The following TULP4 variants were observed in gnomAD, a reference collection of about 807,000 sequenced individuals.
TULP4 encodes tubby-related protein 4.
A neutral mutation model predicts 129.0 loss-of-function variants in TULP4; 16 were observed. The observed-to-expected ratio is 0.12, with a 90% confidence interval of 0.08 to 0.19. TULP4 has a LOEUF of 0.19. TULP4 is among the 10% of genes least tolerant of loss of function. The pLI, the probability that TULP4 is intolerant of heterozygous loss-of-function variation, is 1.00. For missense variants in TULP4, 1,842 were observed against 2,059.1 expected, an observed-to-expected ratio of 0.89 and a Z score of 2.04; for synonymous variants, 998 against 854.0, an observed-to-expected ratio of 1.17 and a Z score of -2.94.
chr6:158,416,607 AAC>A (rs1443208060), intron 2 of TULP4, among the ~76,000 whole-genome samples: 2 of 152,242 alleles, frequency 1.3e-5, no homozygotes, highest in African/African-American at 2.4e-5. Flanking sequence ...TAAAAAGTAA[AAC>A]AGTTACAATA....
At chr6:158,459,059 A>G (rs1461816667) in intron 5 of TULP4, among the ~76,000 whole-genome samples, 1 of 152,236 alleles carries the variant, frequency 6.6e-6, no homozygotes. Context: ...CATTATTTAC[A>G]TGGAATTTAA....
At chr6:158,338,468 A>G (rs1234137400) in intron 1 of TULP4, among the ~76,000 whole-genome samples, 1 of 152,212 alleles carries the variant, frequency 6.6e-6, no homozygotes, top group Non-Finnish European at 1.5e-5. Context: ...ATTGAAGTGC[A>G]TGTCTCAGTC....
chr6:158,328,991 G>T (rs1779813961), intron 1 of TULP4, among the ~76,000 whole-genome samples: 1 of 152,126 alleles, frequency 6.6e-6, no homozygotes, highest in East Asian at 1.9e-4. Context: ...GTATAGGATG[G>T]GTGGGAAGGG....
rs750532002 is a variant in TULP4 at position 158,503,107 on chromosome 6, A to G, written c.3444A>G (p.Leu1148=). 54 of 1,613,956 alleles carry G rather than the reference A, an allele frequency of 3.3e-5. No individual in the cohort carries two copies. The highest frequency in any genetic ancestry group is 4.2e-5 in the Non-Finnish European group (50 of 1,179,998). Residue 1148 remains leucine, a synonymous_variant, in exon 13 of 14, where the codon TTA becomes TTG. Transcript: ENST00000367097. The surrounding 1 kb of genome is among the most constrained non-coding windows in gnomAD (Gnocchi z 4.3). The part of the protein sequence containing the change: ...RTAQTSGPNP[L]KLSSLMLSQG... Reference sequence around the variant, plus strand: ...CACAGACTTCAGGGCCCAACCCCTTAAAACTGTCCTCTCTGATGCTGAGTC... The same window carrying G: ...CACAGACTTCAGGGCCCAACCCCTTGAAACTGTCCTCTCTGATGCTGAGTC...
intron 1 of TULP4, among the ~76,000 whole-genome samples, chr6:158,232,671 T>A (rs1378675821): frequency 6.6e-6 from 1 of 152,040 alleles, no homozygotes; most frequent in African/African-American, 2.4e-5. Flanking sequence ...CATTTTTTTT[T>A]CTTAATTGTG....
At chr6:158,470,658 T>C (rs1187858502) in intron 6 of TULP4, among the ~76,000 whole-genome samples, 2 of 152,224 alleles carry the variant, frequency 1.3e-5, no homozygotes, top group African/African-American at 2.4e-5. Context: ...AAAGGAAATA[T>C]GTCAAACAAG....
intron 8 of TULP4, among the ~76,000 whole-genome samples, chr6:158,482,110 T>C (rs1440055742): frequency 6.6e-6 from 1 of 152,210 alleles, no homozygotes; most frequent in East Asian, 1.9e-4. Flanking sequence ...TGAGTCATCT[T>C]TGTGCCCTCA....
chr6:158,374,013 C>CT (rs1461438266), intron 1 of TULP4, among the ~76,000 whole-genome samples: 2 of 152,152 alleles, frequency 1.3e-5, no homozygotes, highest in Non-Finnish European at 2.9e-5. Context: ...TTGACATGTC[C>CT]TGCTAGTTGG....
At chr6:158,492,015 C>T (rs542082583) in intron 9 of TULP4, among the ~76,000 whole-genome samples, 3 of 151,800 alleles carry the variant, frequency 2.0e-5, no homozygotes, top group East Asian at 3.9e-4. Context: ...AGCGCCACCA[C>T]GCCCGGCTAA....
At chr6:158,375,197 C>T (rs765133406) in intron 1 of TULP4, among the ~76,000 whole-genome samples, 2 of 152,104 alleles carry the variant, frequency 1.3e-5, no homozygotes, top group Non-Finnish European at 2.9e-5. Flanking sequence ...GAACCGAGAT[C>T]GCACCATGGC....
At chr6:158,326,486 C>T (rs746329570) in intron 1 of TULP4, among the ~76,000 whole-genome samples, 82 of 152,294 alleles carry the variant, frequency 5.4e-4, no homozygotes, top group Middle Eastern at 3.4e-3. Flanking sequence ...ATTTATTCCA[C>T]GTGTCGTTTA....
intron 1 of TULP4, among the ~76,000 whole-genome samples, chr6:158,384,591 A>G (rs1445205603): frequency 6.6e-6 from 1 of 152,072 alleles, no homozygotes; most frequent in Non-Finnish European, 1.5e-5. Flanking sequence ...CCCAGCCAGC[A>G]TTTATTTTTG....
At chr6:158,294,797 T>A (rs747832697) in intron 1 of TULP4, among the ~76,000 whole-genome samples, 1 of 152,182 alleles carries the variant, frequency 6.6e-6, no homozygotes, top group Admixed American at 6.5e-5. Context: ...AGTGGCGTGA[T>A]CTCAGCTTAC....
intron 1 of TULP4, among the ~76,000 whole-genome samples, chr6:158,344,031 C>G (rs753864547): frequency 1.7e-4 from 26 of 152,046 alleles, no homozygotes; most frequent in Non-Finnish European, 3.7e-4. Context: ...TTGTTTCTTC[C>G]CCACCCTAAC....
At chr6:158,293,846 A>G (rs1445070051) in intron 1 of TULP4, among the ~76,000 whole-genome samples, 1 of 152,218 alleles carries the variant, frequency 6.6e-6, no homozygotes, top group Non-Finnish European at 1.5e-5. Context: ...CTTTGCAGGG[A>G]TGTTAGTTTC....
upstream of TULP4, among the ~76,000 whole-genome samples, chr6:158,281,605 T>G (rs1778754645): frequency 6.6e-6 from 1 of 152,144 alleles, no homozygotes; most frequent in Non-Finnish European, 1.5e-5. Context: ...GAACCAATCC[T>G]TAGCTTGTTA....
chr6:158,357,643 C>T (rs930185031), intron 1 of TULP4, among the ~76,000 whole-genome samples: 2 of 152,230 alleles, frequency 1.3e-5, no homozygotes, highest in Non-Finnish European at 2.9e-5. Context: ...AGGGAATCGT[C>T]TCCTGAAACT....
intron 1 of TULP4, among the ~76,000 whole-genome samples, chr6:158,236,943 T>C (rs2128441694): frequency 6.6e-6 from 1 of 151,658 alleles, no homozygotes; most frequent in Middle Eastern, 3.4e-3. Context: ...CCCGAGTAGC[T>C]GGGACTACAG....
chr6:158,377,068 G>C (rs1777206732), intron 1 of TULP4, among the ~76,000 whole-genome samples: 2 of 152,344 alleles, frequency 1.3e-5, no homozygotes, highest in South Asian at 4.1e-4. Flanking sequence ...ATATGGGATA[G>C]GTGAGGTGGT....
Sources: gnomAD v4.1 joint callset for allele counts (sites outside exome capture counted in the v4.1 genomes callset) on GRCh38, gnomAD v4.1.1 for gene constraint, Gnocchi (gnomAD v3.1) non-coding constraint, MANE v1.5 for transcripts, NCBI Gene and HGNC (gene_info 2026-07-23, HGNC 2026-07-21) for gene names.